Variants in VWF observed in about 807,000 individuals in gnomAD.
VWF encodes von Willebrand factor, also known as Factor VIII related antigen.
A neutral mutation model predicts 308.6 loss-of-function variants in VWF; 176 were observed. That is an observed-to-expected ratio of 0.57 (90% CI 0.50 to 0.65). The LOEUF (loss-of-function observed/expected upper bound fraction) is 0.65. Ranked by LOEUF, VWF falls within the 30% of genes least tolerant of loss-of-function variation. The pLI, the probability that VWF is intolerant of heterozygous loss-of-function variation, is 0.00. For missense variants in VWF, 3,146 were observed against 3,648.2 expected (o/e 0.86, Z 3.55); for synonymous variants, 1,385 against 1,443.4 (o/e 0.96, Z 0.92).
At chr12:6,097,311 C>A (rs1945115609) in intron 5 of VWF, among the ~76,000 whole-genome samples, 1 of 152,102 alleles carries the variant, frequency 6.6e-6, no homozygotes, top group Non-Finnish European at 1.5e-5. Context: ...GTGGCACGTG[C>A]CTGTAATCCC....
intron 6 of VWF, among the ~76,000 whole-genome samples, chr12:6,086,172 C>A (rs1044496481): frequency 2.0e-5 from 3 of 152,190 alleles, no homozygotes; most frequent in East Asian, 1.9e-4. Context: ...GTAACTTACA[C>A]GAGGACATGC....
At chr12:6,093,084 CT>C (rs1945068513) in intron 6 of VWF, among the ~76,000 whole-genome samples, 1 of 152,154 alleles carries the variant, frequency 6.6e-6, no homozygotes, top group Non-Finnish European at 1.5e-5. Context: ...AAGCTCTCCT[CT>C]CTAAGTTTAT....
chr12:6,085,037 G>C (rs1311453526), intron 6 of VWF, among the ~76,000 whole-genome samples: 3 of 152,158 alleles, frequency 2.0e-5, no homozygotes, highest in Non-Finnish European at 4.4e-5. Flanking sequence ...AAGATAGCTG[G>C]GGTCCAGTGC....
chr12:6,072,493 T>A (rs1254752558), intron 8 of VWF, 51 bp from the exon 9 acceptor site: 1 of 1,440,244 alleles, frequency 6.9e-7, no homozygotes. Flanking sequence ...ATTGCGTCAC[T>A]CATCCCACAA....
intron 35 of VWF, among the ~76,000 whole-genome samples, chr12:5,994,996 A>G (rs1943793466): frequency 6.6e-6 from 1 of 151,754 alleles, no homozygotes; most frequent in Non-Finnish European, 1.5e-5. Context: ...GCTGTGTCCA[A>G]CCCTTTGAAT....
At chr12:6,088,150 G>A (rs537045578) in intron 6 of VWF, among the ~76,000 whole-genome samples, 7 of 152,296 alleles carry the variant, frequency 4.6e-5, no homozygotes, top group Admixed American at 3.9e-4. Flanking sequence ...TATCTTGGCC[G>A]TTTCCCGGCA....
At chr12:6,068,860 GTGTGTGTA>G (rs1944751856) in intron 10 of VWF, among the ~76,000 whole-genome samples, 1 of 137,668 alleles carries the variant, frequency 7.3e-6, no homozygotes, top group African/African-American at 2.7e-5. Context: ...GTGTGTGTGT[GTGTGTGTA>G]TGTGTGTGTG....
At chr12:6,048,502 G>A (rs1473269294) in intron 16 of VWF, among the ~76,000 whole-genome samples, 3 of 138,384 alleles carry the variant, frequency 2.2e-5, no homozygotes, top group African/African-American at 5.6e-5. Flanking sequence ...TTACTCTGTC[G>A]CCCAGGCTGG....
At chr12:6,057,737 C>A (rs997447327) in intron 14 of VWF, 112 bp downstream of exon 14, 2 of 1,304,492 alleles carry the variant, frequency 1.5e-6, no homozygotes, top group East Asian at 2.4e-5. Flanking sequence ...CCCCTTTCCT[C>A]GCTCCCCGCC....
intron 16 of VWF, among the ~76,000 whole-genome samples, chr12:6,051,286 C>CTTTTTTTTTTTT (rs55842185): frequency 5.6e-4 from 66 of 117,524 alleles, no homozygotes; most frequent in Non-Finnish European, 7.4e-4. Flanking sequence ...TTCTTTTTTT[C>CTTTTTTTTTTTT]TTTTTTTTTT....
rs184227165 is a variant in VWF at position 6,034,799 on chromosome 12, G to C, written c.2574C>G (p.Cys858Trp). The change falls in exon 20 of 52, where the codon TGC becomes TGG. Residue 858 changes from cysteine to tryptophan, a missense_variant. Around this residue, in one of 3 missense-constraint regions of VWF, gnomAD observed 1,304 missense variants for 1,353.0 expected, o/e 0.96. Transcript: ENST00000261405. ...TCVCQDRKWN[C>W]TDHVCDATCS... ...ACGTGGCATCACACACATGGTCTGT[G>C]CAGTTCCACTTCCGGTCCTGACAGA... The C allele has an allele frequency of 1.9e-6, 3 of 1,614,244 alleles. No individual in the cohort carries two copies. The East Asian group carries it at 6.7e-5, about 36-fold the overall frequency.
chr12:6,089,943 A>G (rs1945012390), intron 6 of VWF, among the ~76,000 whole-genome samples: 1 of 151,126 alleles, frequency 6.6e-6, no homozygotes, highest in Non-Finnish European at 1.5e-5. Context: ...AGAAATTATG[A>G]AAATCTGTCC....
chr12:5,970,528 C>T (rs1943460667), intron 44 of VWF, among the ~76,000 whole-genome samples: 1 of 152,084 alleles, frequency 6.6e-6, no homozygotes, highest in African/African-American at 2.4e-5. Flanking sequence ...GGAGAAGAAA[C>T]AAAACCTGCC....
At chr12:6,034,978 T>C (rs1565838217) in intron 19 of VWF, 152 bp from the exon 20 acceptor site, 2 of 940,506 alleles carry the variant, frequency 2.1e-6, no homozygotes, top group Non-Finnish European at 1.6e-6. Flanking sequence ...TAGCGTGGAG[T>C]GTGGACTTCA....
At chr12:5,998,989 C>T (rs191554269) in intron 34 of VWF, among the ~76,000 whole-genome samples, 87 of 152,302 alleles carry the variant, frequency 5.7e-4, no homozygotes, top group Admixed American at 5.2e-3. Flanking sequence ...TCCCAAAGTG[C>T]TGGGATTACA....
At chr12:6,089,911 T>C (rs558021385) in intron 6 of VWF, among the ~76,000 whole-genome samples, 28 of 151,894 alleles carry the variant, frequency 1.8e-4, no homozygotes, top group African/African-American at 5.8e-4. Context: ...ACAGCACAAC[T>C]GTATGTTTGG....
intron 6 of VWF, among the ~76,000 whole-genome samples, chr12:6,086,074 T>A (rs1944968806): frequency 6.6e-6 from 1 of 152,092 alleles, no homozygotes; most frequent in South Asian, 2.1e-4. Flanking sequence ...TGAGCCAGTC[T>A]GCTGTAAAGA....
At chr12:6,080,758 A>G (rs7969518) in intron 6 of VWF, among the ~76,000 whole-genome samples, 12,457 of 152,078 alleles carry the variant, frequency 0.082, 656 homozygotes, top group African/African-American at 0.14. Flanking sequence ...TCCAAACCCA[A>G]CCAAGCTCTC....
chr12:5,975,418 C>T (rs1183888257), intron 43 of VWF, among the ~76,000 whole-genome samples: 1 of 152,176 alleles, frequency 6.6e-6, no homozygotes, highest in Non-Finnish European at 1.5e-5. Flanking sequence ...CAGATTGTTG[C>T]TCCCTTTTTC....
Sources: gnomAD v4.1 joint callset for allele counts (sites outside exome capture counted in the v4.1 genomes callset) on GRCh38, gnomAD v4.1.1 for gene constraint, gnomAD v4.1.1 regional missense constraint, MANE v1.5 for transcripts, NCBI Gene and HGNC (gene_info 2026-07-23, HGNC 2026-07-21) for gene names.